The following DIP2B variants were observed in gnomAD, a reference collection of about 807,000 sequenced individuals.
DIP2B encodes disco-interacting protein 2 homolog B.
A neutral mutation model predicts 198.0 loss-of-function variants in DIP2B; 76 were observed. The observed-to-expected ratio is 0.38, with a 90% CI of 0.32 to 0.46. The LOEUF (loss-of-function observed/expected upper bound fraction) is 0.46, where lower values mean the gene tolerates loss of function less well. Among genes scored for constraint, DIP2B ranks in the 20% least tolerant of loss-of-function variants. The pLI, the probability that DIP2B is intolerant of heterozygous loss-of-function variation, is 0.99. For missense variants in DIP2B, 1,559 were observed against 1,978.4 expected, an observed-to-expected ratio of 0.79 and a Z score of 4.02; for synonymous variants, 701 against 739.1, an observed-to-expected ratio of 0.95 and a Z score of 0.84.
At chr12:50,652,900 A>G (rs1336646368) in intron 3 of DIP2B, among the ~76,000 whole-genome samples, 1 of 147,834 alleles carries the variant, frequency 6.8e-6, no homozygotes, top group Non-Finnish European at 1.5e-5. Context: ...TATTTTCTTA[A>G]TTTTCTTTTC....
chr12:50,529,895 GGT>G (rs1958200517), intron 1 of DIP2B, among the ~76,000 whole-genome samples: 1 of 151,840 alleles, frequency 6.6e-6, no homozygotes, highest in Non-Finnish European at 1.5e-5. Context: ...AAAGCTACAG[GGT>G]AAACATAGCG....
chr12:50,716,957 G>GTTTTTTTTTTTTTTTTT (rs1592140618), intron 23 of DIP2B, among the ~76,000 whole-genome samples: 10 of 7,774 alleles, frequency 1.3e-3, no homozygotes, highest in Non-Finnish European at 4.1e-3. Flanking sequence ...ACGAATTGTT[G>GTTTTTTTTTTTTTTTTT]CTTTTTTTTT....
At chr12:50,692,472 C>A (rs1939238247) in intron 13 of DIP2B, among the ~76,000 whole-genome samples, 1 of 152,154 alleles carries the variant, frequency 6.6e-6, no homozygotes, top group Non-Finnish European at 1.5e-5. Flanking sequence ...CCACATTACC[C>A]TATGAGCAGT....
rs757086576 is a variant in DIP2B, at chr12:50,678,718, G to A, written c.956G>A (p.Arg319Gln). The change falls in exon 8 of 38, where the codon CGG becomes CAG. Residue 319 changes from arginine (R) to glutamine (Q), a missense_variant. Transcript: ENST00000301180. Reference sequence around the variant, plus strand: ...CCCAACCAGCCCAAGCCGGAGGGACGGCAGATGACCCCTGTGAAAGGAGAG... The same window carrying A: ...CCCAACCAGCCCAAGCCGGAGGGACAGCAGATGACCCCTGTGAAAGGAGAG... ...PDPNQPKPEG[R>Q]QMTPVKGEPL... 8.1e-6 allele frequency: 13 copies of A among 1,614,164 alleles called. No individual in the cohort carries two copies. Among genetic ancestry groups the A allele is most frequent in the South Asian group, 5.5e-5 (5 of 91,080 alleles).
At chr12:50,588,735 G>A (rs1242059394) in intron 1 of DIP2B, among the ~76,000 whole-genome samples, 1 of 152,138 alleles carries the variant, frequency 6.6e-6, no homozygotes, top group Non-Finnish European at 1.5e-5. Context: ...AGCTGGATTT[G>A]TGCCAAACTT....
intron 2 of DIP2B, among the ~76,000 whole-genome samples, chr12:50,636,219 C>T (rs1053252545): frequency 6.6e-6 from 1 of 152,176 alleles, no homozygotes; most frequent in African/African-American, 2.4e-5. Context: ...TGTAAATACT[C>T]GGTAGGCAAT....
At chr12:50,633,919 C>T (rs777315917) in intron 2 of DIP2B, among the ~76,000 whole-genome samples, 7 of 152,252 alleles carry the variant, frequency 4.6e-5, no homozygotes, top group Non-Finnish European at 5.9e-5. Flanking sequence ...TAAACAAGAG[C>T]CATACCTTAT....
intron 12 of DIP2B, among the ~76,000 whole-genome samples, chr12:50,689,336 G>A (rs887173512): frequency 5.9e-5 from 9 of 152,138 alleles, no homozygotes; most frequent in African/African-American, 1.7e-4. Context: ...AGCCATGATC[G>A]TGCCACTGCA....
intron 2 of DIP2B, among the ~76,000 whole-genome samples, chr12:50,635,355 G>A (rs1040388119): frequency 6.6e-6 from 1 of 152,068 alleles, no homozygotes; most frequent in African/African-American, 2.4e-5. Flanking sequence ...TTTTCCCCCA[G>A]ATTCCTGCCT....
chr12:50,691,606 A>G (rs1427722934), intron 13 of DIP2B, among the ~76,000 whole-genome samples: 2 of 152,212 alleles, frequency 1.3e-5, no homozygotes, highest in African/African-American at 2.4e-5. Flanking sequence ...GTTCTTTGCA[A>G]TATTAATTTT....
chr12:50,719,922 GA>G (rs917108084), intron 25 of DIP2B, among the ~76,000 whole-genome samples: 21 of 147,132 alleles, frequency 1.4e-4, no homozygotes, highest in South Asian at 4.2e-4. Flanking sequence ...TATATATAAA[GA>G]AAAAAATATA....
At chr12:50,535,420 G>A (rs1413566111) in intron 1 of DIP2B, among the ~76,000 whole-genome samples, 2 of 149,866 alleles carry the variant, frequency 1.3e-5, no homozygotes, top group South Asian at 4.2e-4. Flanking sequence ...AGGCTGGAGT[G>A]CAGTGGCACA....
At chr12:50,724,278 G>A (rs947380193) in intron 27 of DIP2B, among the ~76,000 whole-genome samples, 1 of 152,214 alleles carries the variant, frequency 6.6e-6, no homozygotes, top group South Asian at 2.1e-4. Context: ...GCATTTCTGT[G>A]TATAGCTGGG....
chr12:50,647,768 A>G (rs115259494), intron 3 of DIP2B, among the ~76,000 whole-genome samples: 2,040 of 152,304 alleles, frequency 0.013, 49 homozygotes, highest in African/African-American at 0.046. Flanking sequence ...CTTAAAGCCC[A>G]GGTGTGCCAC....
chr12:50,546,468 C>G (rs1958378603), intron 1 of DIP2B, among the ~76,000 whole-genome samples: 1 of 152,218 alleles, frequency 6.6e-6, no homozygotes, highest in Admixed American at 6.5e-5. Context: ...GTAATTGTTG[C>G]AGGGGTGACA....
intron 3 of DIP2B, among the ~76,000 whole-genome samples, chr12:50,648,524 C>T (rs918941404): frequency 3.3e-5 from 5 of 152,014 alleles, no homozygotes; most frequent in Admixed American, 2.0e-4. Flanking sequence ...CCACCACGCC[C>T]GGCTAATTTT....
At chr12:50,598,529 C>T (rs2139437891) in intron 1 of DIP2B, among the ~76,000 whole-genome samples, 1 of 151,956 alleles carries the variant, frequency 6.6e-6, no homozygotes, top group South Asian at 2.1e-4. Flanking sequence ...TATCCTTTTG[C>T]AACACCAAAT....
At chr12:50,716,807 C>T (rs900528794) in intron 23 of DIP2B, among the ~76,000 whole-genome samples, 23 of 152,124 alleles carry the variant, frequency 1.5e-4, no homozygotes, top group Admixed American at 2.0e-4. Context: ...TTCCGTGAGG[C>T]GGATGACCAT....
At chr12:50,594,219 C>G (rs1958859752) in intron 1 of DIP2B, among the ~76,000 whole-genome samples, 1 of 152,030 alleles carries the variant, frequency 6.6e-6, no homozygotes, top group Non-Finnish European at 1.5e-5. Context: ...GCTGGCATTA[C>G]AAACATGAGC....
Sources: gnomAD v4.1 joint callset for allele counts (sites outside exome capture counted in the v4.1 genomes callset) on GRCh38, gnomAD v4.1.1 for gene constraint, MANE v1.5 for transcripts, NCBI Gene and HGNC (gene_info 2026-07-23, HGNC 2026-07-21) for gene names.